Variants in THAP8 observed in about 807,000 individuals in gnomAD.
THAP8 encodes THAP domain containing 8, also known as THAP domain-containing protein 8.
In THAP8, 24 loss-of-function variants were observed where a neutral mutation model predicts 25.0. The ratio of observed to expected loss-of-function variants is 0.96; its 90% CI spans 0.69 to 1.35. THAP8 has a LOEUF of 1.35. Among genes scored for constraint, THAP8 ranks in the 40% most tolerant of loss-of-function variants. The probability of loss-of-function intolerance (pLI) is 0.00; values close to 1 mark genes in which losing one functional copy is unlikely to be tolerated. For missense variants in THAP8, 399 were observed against 368.8 expected, an observed-to-expected ratio of 1.08 and a Z score of -0.67; for synonymous variants, 169 against 157.6, an observed-to-expected ratio of 1.07 and a Z score of -0.54.
At chr19:36,045,858 T>A in intron 1 of THAP8, 1 of 456,716 alleles carries the variant, frequency 2.2e-6, no homozygotes. Flanking sequence ...TGCCGACACC[T>A]TGGTTTTGGC....
Position 36,048,852 on chromosome 19 carries a change from A to C in THAP8, c.83+5283T>G, listed in dbSNP as rs930609314. 6.7e-4 allele frequency among the ~76,000 whole-genome samples: 85 copies of C among 126,056 alleles called. 2 individuals are homozygous for C. Among genetic ancestry groups the C allele is most frequent in the African/African-American group, 1.8e-3 (64 of 34,700 alleles). The allele number at this position is 126,056 out of a possible 152,430, so 82.7% of individuals were successfully genotyped here. A position where few individuals can be genotyped will look rare whatever the true frequency, so the allele number is the denominator to read the frequency against. On this transcript the variant is annotated intron_variant, in intron 1 of 3. Coordinates refer to ENST00000292894, the MANE Select transcript of THAP8 (RefSeq NM_152658.3). Reference sequence around the variant, plus strand: ...AAAGACCCCTTCTTTAAAAAAAAAAAAAAACAAAAAAACAAAAAACACCTT... The same window carrying C: ...AAAGACCCCTTCTTTAAAAAAAAAACAAAACAAAAAAACAAAAAACACCTT...
intron 1 of THAP8, among the ~76,000 whole-genome samples, chr19:36,050,291 T>C (rs912869404): frequency 1.3e-5 from 2 of 152,036 alleles, no homozygotes; most frequent in African/African-American, 4.8e-5. Flanking sequence ...ACTACAGGTG[T>C]GTACCACCAC....
chr19:36,048,668 T>A (rs1188097178), intron 1 of THAP8, among the ~76,000 whole-genome samples: 1 of 151,570 alleles, frequency 6.6e-6, no homozygotes, highest in Non-Finnish European at 1.5e-5. Flanking sequence ...CCCAGCCCAA[T>A]GGGACTTCAT....
At chr19:36,044,928 A>G (rs754877548) in intron 1 of THAP8, among the ~76,000 whole-genome samples, 3 of 152,156 alleles carry the variant, frequency 2.0e-5, no homozygotes, top group Non-Finnish European at 2.9e-5. Flanking sequence ...ATGTAGAGGT[A>G]CTCTGTGAAC....
At chr19:36,054,081 C>A in intron 1 of THAP8, 54 bp downstream of exon 1, 1 of 1,578,840 alleles carries the variant, frequency 6.3e-7, no homozygotes, top group Non-Finnish European at 8.6e-7. Context: ...ATGCTCGGGC[C>A]CCACCCCTCT....
At chr19:36,051,672 G>A (rs908342568) in intron 1 of THAP8, among the ~76,000 whole-genome samples, 1 of 152,134 alleles carries the variant, frequency 6.6e-6, no homozygotes, top group Admixed American at 6.5e-5. Context: ...AGCCCACTTA[G>A]GCTAAGACCA....
intron 3 of THAP8, among the ~76,000 whole-genome samples, chr19:36,038,089 T>C (rs1409581584): frequency 6.6e-6 from 1 of 152,014 alleles, no homozygotes; most frequent in Non-Finnish European, 1.5e-5. Flanking sequence ...GGATTACAGG[T>C]GCGCCACCAT....
At chr19:36,043,485 T>C (rs1388666692) in intron 1 of THAP8, among the ~76,000 whole-genome samples, 1 of 152,156 alleles carries the variant, frequency 6.6e-6, no homozygotes, top group Non-Finnish European at 1.5e-5. Context: ...ACACTTAACA[T>C]TAGTGAATTG....
intron 2 of THAP8, 76 bp downstream of exon 2, chr19:36,039,868 A>C: frequency 6.3e-7 from 1 of 1,598,116 alleles, no homozygotes; most frequent in Non-Finnish European, 8.5e-7. Flanking sequence ...GCCAAAGTTC[A>C]GACTCAAGGA....
chr19:36,037,874 G>A (rs1170744162), intron 3 of THAP8, among the ~76,000 whole-genome samples: 2 of 151,930 alleles, frequency 1.3e-5, no homozygotes, highest in African/African-American at 4.8e-5. Context: ...TCCTGACCTC[G>A]TGATCTGCCC....
Position 36,045,496 on chromosome 19 carries a change from T to C in THAP8, c.84-5360A>G, listed in dbSNP as rs957240223. ...GTTGCCCAGGCTGGTCTCAAACTCCTGGGCTCAAGCAATCCTCCCACCTCG... is the reference window on the plus strand; with the variant it reads ...GTTGCCCAGGCTGGTCTCAAACTCCCGGGCTCAAGCAATCCTCCCACCTCG... On this transcript the variant is annotated intron_variant, in intron 1 of 3. Coordinates refer to ENST00000292894, the MANE Select transcript of THAP8 (RefSeq NM_152658.3). Among the ~76,000 whole-genome samples, 3 of 152,044 alleles carry C rather than the reference T, an allele frequency of 2.0e-5. No individual in the cohort carries two copies. The East Asian group carries it at 5.8e-4, about 29-fold the overall frequency.
Position 36,035,471 on chromosome 19 carries a change from T to C in THAP8, c.794A>G (p.Glu265Gly). 4.3e-6 allele frequency: 7 copies of C among 1,614,110 alleles called. No homozygotes were observed. The highest frequency in any genetic ancestry group is 1.3e-5 in the African/African-American group (1 of 75,048). The change falls in exon 4 of 4, where the codon GAG becomes GGG. Residue 265 changes from glutamate to glycine, a missense_variant. Transcript: ENST00000292894. The part of the protein sequence containing the change: ...PAPATVDAKP[E>G]LLDTRIPSA ...ACTGGGGATCCGAGTGTCCAGGAGCTCCGGCTTGGCATCCACTGTGGCAGG... is the reference window on the plus strand; with the variant it reads ...ACTGGGGATCCGAGTGTCCAGGAGCCCCGGCTTGGCATCCACTGTGGCAGG...
rs1969609933 is a variant in THAP8 at position 36,039,591 on chromosome 19, G to A, written c.404C>T (p.Pro135Leu). ...SGPVRLVVLG[P>L]TSGSPKTVAT... Reference sequence around the variant, plus strand: ...CACAGTCTTGGGGCTCCCCGATGTGGGGCCCAGCACCACTAGGCGCACTGG... The same window carrying A: ...CACAGTCTTGGGGCTCCCCGATGTGAGGCCCAGCACCACTAGGCGCACTGG... Residue 135 changes from proline to leucine, a missense_variant, in exon 3 of 4, where the codon CCC becomes CTC. Pro to Leu is a moderately conservative substitution (Grantham distance 98). Transcript: ENST00000292894. 1.3e-6 allele frequency: 2 copies of A among 1,512,374 alleles called. No homozygotes were observed. Among genetic ancestry groups the A allele is most frequent in the Non-Finnish European group, 1.8e-6 (2 of 1,125,938 alleles). The allele number at this position is 1,512,374 out of a possible 1,614,324, so 93.7% of individuals were successfully genotyped here.
At position 36,039,401 on chromosome 19, in the gene THAP8, C is replaced by T; in HGVS notation, c.594G>A (p.Leu198=). The T allele has an allele frequency of 6.4e-7, 1 of 1,551,020 alleles. No homozygotes were observed. The highest frequency in any genetic ancestry group is 1.2e-5 in the South Asian group (1 of 84,868). ...GCTGTGCCAGCCGTTCCAGGGCCTGCAGCTGCGCCTGGTGCCGCTCCTGGC... is the reference window on the plus strand; with the variant it reads ...GCTGTGCCAGCCGTTCCAGGGCCTGTAGCTGCGCCTGGTGCCGCTCCTGGC... ...QRCQERHQAQ[L]QALERLAQQL... Residue 198 remains leucine (L), a synonymous_variant, in exon 3 of 4, where the codon CTG becomes CTA. Coordinates refer to ENST00000292894, the MANE Select transcript of THAP8 (RefSeq NM_152658.3).
At chr19:36,045,593 G>T (rs538627220) in intron 1 of THAP8, 1 of 385,470 alleles carries the variant, frequency 2.6e-6, no homozygotes, top group Admixed American at 3.1e-5. Flanking sequence ...TATGACAAAA[G>T]ATGTGATTAA....
Position 36,040,028 on chromosome 19 carries a change from G to A in THAP8, c.192C>T (p.Pro64=), listed in dbSNP as rs752002407. 3.7e-6 allele frequency: 6 copies of A among 1,613,746 alleles called. No individual in the cohort carries two copies. Among genetic ancestry groups the A allele is most frequent in the Non-Finnish European group, 5.1e-6 (6 of 1,179,958 alleles). Reference sequence around the variant, plus strand: ...CACCCCAGCGCCACTGGAAGCAGGAGGGTGTGAAGTGCTCGCTGCACAAGT... The same window carrying A: ...CACCCCAGCGCCACTGGAAGCAGGAAGGTGTGAAGTGCTCGCTGCACAAGT... ...HQHLCSEHFT[P]SCFQWRWGVR... Residue 64 remains proline, a synonymous_variant, in exon 2 of 4, where the codon CCC becomes CCT. Coordinates refer to ENST00000292894, the MANE Select transcript of THAP8 (RefSeq NM_152658.3).
At chr19:36,050,053 C>CAAA (rs1250976973) in intron 1 of THAP8, among the ~76,000 whole-genome samples, 6 of 76,842 alleles carry the variant, frequency 7.8e-5, no homozygotes, top group East Asian at 5.2e-4. Flanking sequence ...GACCCTGTCT[C>CAAA]AAAAAAAAAA....
chr19:36,053,935 C>T (rs1246757837), intron 1 of THAP8, among the ~76,000 whole-genome samples, 200 bp downstream of exon 1: 3 of 152,168 alleles, frequency 2.0e-5, no homozygotes, highest in African/African-American at 7.2e-5. Context: ...TATCTGTAGT[C>T]AATCGTCTAC....
intron 1 of THAP8, among the ~76,000 whole-genome samples, chr19:36,048,853 AAAACAAAAAAAC>A (rs1236387752): frequency 2.2e-5 from 3 of 135,664 alleles, no homozygotes; most frequent in South Asian, 2.5e-4. Context: ...AAAAAAAAAA[AAAACAAAAAAAC>A]AAAAAACACC....
Sources: allele counts gnomAD v4.1 joint callset (sites outside exome capture counted in the v4.1 genomes callset), GRCh38; gene constraint gnomAD v4.1.1; transcripts MANE v1.5; gene names NCBI Gene and HGNC (gene_info 2026-07-23, HGNC 2026-07-21).